The following AMOT variants were observed in gnomAD, a reference collection of about 807,000 sequenced individuals.
AMOT encodes the protein angiomotin.
A neutral mutation model predicts 67.0 loss-of-function variants in AMOT; 11 were observed. That is an observed-to-expected ratio of 0.16 (90% CI 0.10 to 0.27). The LOEUF is 0.27. Ranked by LOEUF, AMOT falls within the 10% of genes least tolerant of loss-of-function variation. The pLI is 1.00. For synonymous variants in AMOT, 326 were observed against 321.4 expected, an observed-to-expected ratio of 1.01 and a Z score of -0.15; for missense variants, 753 against 852.0, an observed-to-expected ratio of 0.88 and a Z score of 1.45.
intron 5 of AMOT, 109 bp downstream of exon 5, chrX:112,815,249 C>T: frequency 9.8e-7 from 1 of 1,015,249 alleles, no homozygotes; most frequent in Non-Finnish European, 1.3e-6. Context: ...TCCTGAAGAC[C>T]TGCCACAAGT....
intron 2 of AMOT, among the ~76,000 whole-genome samples, chrX:112,830,345 C>T (rs1422990754): frequency 8.9e-6 from 1 of 112,366 alleles, no homozygotes; most frequent in Non-Finnish European, 1.9e-5. Flanking sequence ...AGTGTATCAG[C>T]ATTCACTTAC....
chrX:112,792,374 A>G (rs974574898), intron 8 of AMOT, among the ~76,000 whole-genome samples: 18 of 112,271 alleles, frequency 1.6e-4, no homozygotes, highest in Non-Finnish European at 2.3e-4. Context: ...TGGTTATTGC[A>G]TTAGGCAAAT....
chrX:112,782,517 C>T (rs192924841), intron 11 of AMOT, 23 bp downstream of exon 11: 1 of 1,209,187 alleles, frequency 8.3e-7, no homozygotes, highest in African/African-American at 1.8e-5. Flanking sequence ...TCAGATTCCT[C>T]AGGGTCCAGA....
chrX:112,796,359 A>G (rs1933816501), intron 8 of AMOT, among the ~76,000 whole-genome samples: 1 of 112,144 alleles, frequency 8.9e-6, no homozygotes, highest in Non-Finnish European at 1.9e-5. Flanking sequence ...CAAAGCCAAG[A>G]TAGTGGTTCG....
At position 112,805,052 on chromosome X, in the gene AMOT, C is replaced by T. The variant is rs1171811862; in HGVS notation, c.1671G>A (p.Glu557=). Residue 557 remains glutamate, a synonymous_variant, in exon 8 of 14, where the codon GAG becomes GAA. Coordinates refer to ENST00000371959, the MANE Select transcript of AMOT (RefSeq NM_001113490.2). The stretch of plus-strand genomic sequence containing the variant: ...CATTGGTAGAACGGGCAGTGGCCAG[C>T]TCCGCTTCCAGCTTCTCCTTCTCAC... ...SQREKEKLEA[E]LATARSTNED... 4.1e-6 allele frequency: 5 copies of T among 1,209,787 alleles called. No individual in the cohort carries two copies. The Admixed American group carries it at 6.6e-5, about 16-fold the overall frequency.
At chrX:112,808,441 T>A (rs1389202205) in intron 7 of AMOT, among the ~76,000 whole-genome samples, 2 of 111,297 alleles carry the variant, frequency 1.8e-5, no homozygotes, top group Non-Finnish European at 3.8e-5. Flanking sequence ...GGCTTTCCTT[T>A]CTCCTGCCAC....
In AMOT at chrX:112,790,585, T is replaced by A. The variant is rs747297840; in HGVS notation, c.2117+7A>T. ...TCCCACTCATGCCCTACCAGCTACC[T>A]ACTTACCTCTGAGCAGCCACAGTTG... On this transcript the variant is annotated splice_region_variant and intron_variant, in intron 10 of 13. Coordinates refer to ENST00000371959, the MANE Select transcript of AMOT (RefSeq NM_001113490.2). 1.3e-5 allele frequency: 15 copies of A among 1,182,389 alleles called. No individual in the cohort carries two copies. Among genetic ancestry groups the A allele is most frequent in the Non-Finnish European group, 1.7e-5 (15 of 880,562 alleles).
chrX:112,834,443 G>A lies in AMOT; in HGVS notation c.-288-2073C>T, dbSNP rs374911890. Among the ~76,000 whole-genome samples, 49 of 111,607 alleles carry A rather than the reference G, an allele frequency of 4.4e-4. No homozygotes were observed. The South Asian group carries it at 0.014, about 33-fold the overall frequency. On this transcript the variant is annotated intron_variant, in intron 1 of 13. Transcript: ENST00000371959. ...CAATGCCTAAGGTTGATAGGGGGGC[G>A]GCACAGTTATTGTGATCTGATGTGA...
At chrX:112,811,138 A>C (rs1934351658) in intron 6 of AMOT, 111 bp downstream of exon 6, 3 of 1,017,566 alleles carry the variant, frequency 2.9e-6, no homozygotes, top group Non-Finnish European at 4.0e-6. Context: ...TACTGCCCAT[A>C]CCGGTGGGTT....
At chrX:112,794,422 G>A (rs1933724773) in intron 8 of AMOT, among the ~76,000 whole-genome samples, 1 of 111,608 alleles carries the variant, frequency 9.0e-6, no homozygotes, top group South Asian at 3.7e-4. Context: ...AGACCACTGT[G>A]GCTGGCATAG....
Position 112,780,930 on chromosome X carries a change from A to G in AMOT, c.2429T>C (p.Ile810Thr), listed in dbSNP as rs747409433. 5 of 1,209,821 alleles carry G rather than the reference A, an allele frequency of 4.1e-6. No homozygotes were observed. In the African/African-American group the frequency reaches 8.8e-5, roughly 21 times the overall value. Reference protein sequence around the residue: ...SHSSTLTGSPIMEEKRDDKSW... With the variant: ...SHSSTLTGSPTMEEKRDDKSW... Reference sequence around the variant, plus strand: ...CTTGTCGTCTCGCTTTTCTTCCATGATGGGGGAGCCAGTCAGGGTGGATGA... The same window carrying G: ...CTTGTCGTCTCGCTTTTCTTCCATGGTGGGGGAGCCAGTCAGGGTGGATGA... The change falls in exon 12 of 14, where the codon ATC becomes ACC. Residue 810 changes from isoleucine to threonine, a missense_variant. By Grantham distance (89) the Ile-to-Thr change is moderately conservative (BLOSUM62 -1). Transcript: ENST00000371959.
At chrX:112,778,806 T>G in intron 13 of AMOT, 142 bp from the exon 14 acceptor site, 2 of 691,363 alleles carry the variant, frequency 2.9e-6, no homozygotes, top group Non-Finnish European at 4.4e-6. Flanking sequence ...TCTGCTAAGA[T>G]AATGGCCTCT....
chrX:112,786,087 A>G (rs1428271464), intron 10 of AMOT, among the ~76,000 whole-genome samples: 3 of 111,945 alleles, frequency 2.7e-5, no homozygotes, highest in Non-Finnish European at 5.6e-5. Context: ...TATTACGGTT[A>G]TTATCATTGC....
chrX:112,809,330 T>C (rs1441359323), intron 7 of AMOT, among the ~76,000 whole-genome samples: 2 of 111,248 alleles, frequency 1.8e-5, no homozygotes, highest in Non-Finnish European at 3.8e-5. Context: ...CTAGGAGTAT[T>C]TCCAGACAAA....
rs760371080 is a variant in AMOT, at chrX:112,791,225, CA to C, written c.1927-444del. ...TGAATCCCCATCTCTACTAAAAATA[CA>C]AAAAAAAAAAAAATTAGCTGGGCGT... is the stretch of plus-strand genomic sequence containing the variant. On this transcript the variant is annotated intron_variant, in intron 9 of 13. Transcript: ENST00000371959. 7.4e-3 allele frequency among the ~76,000 whole-genome samples: 690 copies of C among 93,531 alleles called. 4 individuals are homozygous for C. Among genetic ancestry groups the C allele is most frequent in the East Asian group, 0.016 (49 of 3,027 alleles). The allele number at this position is 93,531 out of a possible 115,157, so 81.2% of individuals were successfully genotyped here.
Position 112,808,418 on chromosome X carries a change from C to T in AMOT, c.1630+1476G>A, listed in dbSNP as rs1017654745. 6.3e-5 allele frequency among the ~76,000 whole-genome samples: 7 copies of T among 111,338 alleles called. No homozygotes were observed. The South Asian group carries it at 1.9e-3, about 31-fold the overall frequency. On this transcript the variant is annotated intron_variant, in intron 7 of 13. Coordinates refer to ENST00000371959, the MANE Select transcript of AMOT (RefSeq NM_001113490.2). Reference sequence around the variant, plus strand: ...ATTCCTGCAGTACATTCCCCAGAGACGCTTTTTGAGAGGGCTTTCCTTTCT... The same window carrying T: ...ATTCCTGCAGTACATTCCCCAGAGATGCTTTTTGAGAGGGCTTTCCTTTCT...
chrX:112,795,244 C>CTGTGTGTG (rs1341404542), intron 8 of AMOT, among the ~76,000 whole-genome samples: 5 of 93,521 alleles, frequency 5.3e-5, no homozygotes, highest in African/African-American at 2.1e-4. Flanking sequence ...CTCTGTCTCT[C>CTGTGTGTG]TCTCTGTGTG....
chrX:112,805,958 G>GT (rs1017560735), intron 7 of AMOT, among the ~76,000 whole-genome samples: 2 of 111,059 alleles, frequency 1.8e-5, no homozygotes, highest in African/African-American at 3.3e-5. Context: ...TGAAAGTTCA[G>GT]TTTTTTTTAA....
intron 11 of AMOT, among the ~76,000 whole-genome samples, chrX:112,781,529 A>G (rs1602749631): frequency 9.1e-6 from 1 of 109,337 alleles, no homozygotes. Context: ...AGCTCCCATT[A>G]TCTTTTCGAC....
Sources: gnomAD v4.1 joint callset for allele counts (sites outside exome capture counted in the v4.1 genomes callset) on GRCh38, gnomAD v4.1.1 for gene constraint, MANE v1.5 for transcripts, NCBI Gene and HGNC (gene_info 2026-07-23, HGNC 2026-07-21) for gene names.